Variants in RTEL1 observed in about 807,000 individuals in gnomAD.
RTEL1 encodes the protein regulator of telomere length.
A neutral mutation model predicts 162.2 loss-of-function variants in RTEL1; 86 were observed. The ratio of observed to expected loss-of-function variants is 0.53; its 90% CI spans 0.45 to 0.63. The LOEUF is 0.63. Ranked by LOEUF, RTEL1 falls within the 30% of genes least tolerant of loss-of-function variation. The pLI is 0.00. For synonymous variants in RTEL1, 958 were observed against 717.9 expected, an observed-to-expected ratio of 1.33 and a Z score of -5.35; for missense variants, 1,941 against 1,750.2, an observed-to-expected ratio of 1.11 and a Z score of -1.95.
At chr20:63,667,091 G>A (rs113290954) in intron 7 of RTEL1, among the ~76,000 whole-genome samples, 36 of 152,098 alleles carry the variant, frequency 2.4e-4, no homozygotes, top group African/African-American at 4.8e-4. Context: ...CGCCCACCTC[G>A]GCCTCCCAAA....
In RTEL1 at chr20:63,678,296, C is replaced by T. The variant is rs763882822; in HGVS notation, c.987C>T (p.Ile329=). Residue 329 remains isoleucine, a synonymous_variant, in exon 12 of 35, where the codon ATC becomes ATT. Coordinates refer to ENST00000360203, the MANE Select transcript of RTEL1 (RefSeq NM_001283009.2). ...TCCTGCTGCGCCTGGAGGGGGCCAT[C>T]GATGCTGTTGAGCTGCCTGGAGACG... ...KMILLRLEGA[I]DAVELPGDDS... 40 of 1,612,526 alleles carry T rather than the reference C, an allele frequency of 2.5e-5. No individual in the cohort carries two copies. The highest frequency in any genetic ancestry group is 1.6e-4 in the Middle Eastern group (1 of 6,072).
chr20:63,692,899 C>T lies in RTEL1; in HGVS notation c.2747C>T (p.Thr916Ile), dbSNP rs749234586. The change falls in exon 29 of 35, where the codon ACC becomes ATC. Residue 916 changes from threonine to isoleucine, a missense_variant. By Grantham distance (89) the Thr-to-Ile change is moderately conservative (BLOSUM62 -1). Transcript: ENST00000360203. The part of the protein sequence containing the change: ...ELSQANFATF[T>I]QALQDYKGSD... Reference sequence around the variant, plus strand: ...AGCCAAGCCAACTTTGCCACCTTCACCCAGGCCCTGCAGGACTACAAGGGT... The same window carrying T: ...AGCCAAGCCAACTTTGCCACCTTCATCCAGGCCCTGCAGGACTACAAGGGT... 2 of 1,612,542 alleles carry T rather than the reference C, an allele frequency of 1.2e-6. No homozygotes were observed. The highest frequency in any genetic ancestry group is 1.3e-5 in the African/African-American group (1 of 74,912).
At chr20:63,680,615 G>A in intron 13 of RTEL1, 49 bp from the exon 14 acceptor site, 2 of 1,600,428 alleles carry the variant, frequency 1.2e-6, no homozygotes, top group South Asian at 2.2e-5. Context: ...GCTGGGGTCG[G>A]GGCCTCCCCT....
intron 10 of RTEL1, among the ~76,000 whole-genome samples, chr20:63,675,517 TATAC>T (rs752480292): frequency 2.1e-5 from 3 of 144,906 alleles, no homozygotes; most frequent in Admixed American, 6.8e-5. Flanking sequence ...TATATATATA[TATAC>T]ATATATTTAA....
chr20:63,688,706 G>A (rs556849550), intron 21 of RTEL1, 101 bp downstream of exon 21: 38 of 1,090,872 alleles, frequency 3.5e-5, no homozygotes, highest in Non-Finnish European at 3.0e-5. Flanking sequence ...CATGGGCTCC[G>A]GCGGCTCCCG....
chr20:63,689,754 T>A lies in RTEL1; in HGVS notation c.2030T>A (p.Leu677His). 6.2e-7 allele frequency: 1 copy of A among 1,611,840 alleles called. No homozygotes were observed. The change falls in exon 24 of 35, where the codon CTC becomes CAC. Residue 677 changes from leucine (L) to histidine (H), a missense_variant. Transcript: ENST00000360203. ...CCGAGCCGCCTCGCCCCACAGTTCC[T>A]CTCTGGGCAGGAGTGGTACCGGCAG... ...KGQGGAGGQF[L>H]SGQEWYRQQA... is the part of the protein sequence containing the mutation.
chr20:63,694,358 C>T lies in RTEL1; in HGVS notation c.2993-14C>T, dbSNP rs764487111. The T allele has an allele frequency of 1.9e-6, 3 of 1,567,292 alleles. No homozygotes were observed. Among genetic ancestry groups the T allele is most frequent in the East Asian group, 2.4e-5 (1 of 42,456 alleles). On this transcript the variant is annotated splice_polypyrimidine_tract_variant and intron_variant, in intron 30 of 34. Coordinates refer to ENST00000360203, the MANE Select transcript of RTEL1 (RefSeq NM_001283009.2). ...GCTCTCGACCAGCTTTGTGGCTCTA[C>T]ATCTCTTCATCAGGAAGAACGGCGC... is the stretch of plus-strand genomic sequence containing the variant.
At position 63,693,365 on chromosome 20, in the gene RTEL1, C is replaced by A. The variant is rs935241489; in HGVS notation, c.2992+82C>A. Reference sequence around the variant, plus strand: ...AGAGTCCTGGGCTGCTTGGGGTGGGCATCCTCGGGCCCTGCTTGGCCCCGC... The same window carrying A: ...AGAGTCCTGGGCTGCTTGGGGTGGGAATCCTCGGGCCCTGCTTGGCCCCGC... On this transcript the variant is annotated intron_variant, in intron 30 of 34. Coordinates refer to ENST00000360203, the MANE Select transcript of RTEL1 (RefSeq NM_001283009.2). The A allele has an allele frequency of 2.6e-6, 4 of 1,545,174 alleles. No homozygotes were observed. In the African/African-American group the frequency reaches 4.1e-5, roughly 16 times the overall value.
chr20:63,694,312 A>AC, intron 30 of RTEL1, 60 bp from the exon 31 acceptor site: 22 of 466,346 alleles, frequency 4.7e-5, no homozygotes, highest in East Asian at 1.4e-4. Flanking sequence ...CTGCCCCCCC[A>AC]CCCCAGGGAA....
chr20:63,681,825 A>G, intron 14 of RTEL1: 1 of 985,356 alleles, frequency 1.0e-6, no homozygotes, highest in Non-Finnish European at 1.2e-6. Context: ...CTGGAAGGAC[A>G]GCACTGCCTT....
intron 6 of RTEL1, among the ~76,000 whole-genome samples, chr20:63,664,354 G>A (rs1368415539): frequency 6.6e-6 from 1 of 152,218 alleles, no homozygotes; most frequent in East Asian, 1.9e-4. Flanking sequence ...GCTGAGCATG[G>A]GCCTGGCCGG....
intron 27 of RTEL1, 37 bp downstream of exon 27, chr20:63,690,984 C>T: frequency 6.5e-7 from 1 of 1,527,308 alleles, no homozygotes; most frequent in South Asian, 1.2e-5. Flanking sequence ...CACAGACCCT[C>T]TGTCTCCTGA....
rs1413866305 is a variant in RTEL1 at position 63,693,198 on chromosome 20, C to T, written c.2907C>T (p.Ile969=). The T allele has an allele frequency of 6.2e-7, 1 of 1,612,166 alleles. No individual in the cohort carries two copies. The highest frequency in any genetic ancestry group is 1.1e-5 in the South Asian group (1 of 91,092). ...HHKQQFEEVC[I]QLTGRGCGYR... is the part of the protein sequence containing the mutation. ...AGCAGCAGTTTGAGGAGGTCTGTAT[C>T]CAGCTGACAGGACGAGGCTGTGGCT... The change falls in exon 30 of 35, where the codon ATC becomes ATT. Residue 969 remains isoleucine, a synonymous_variant. Coordinates refer to ENST00000360203, the MANE Select transcript of RTEL1 (RefSeq NM_001283009.2).
chr20:63,687,859 G>A, intron 17 of RTEL1, 78 bp from the exon 18 acceptor site: 1 of 1,572,210 alleles, frequency 6.4e-7, no homozygotes, highest in Non-Finnish European at 8.6e-7. Context: ...TGAGCCGGGT[G>A]CTGGGGGTCT....
chr20:63,658,100 C>T (rs923473122), upstream of RTEL1: 1 of 152,306 alleles, frequency 6.6e-6, no homozygotes, highest in Non-Finnish European at 1.5e-5. Flanking sequence ...GAACGCAGAC[C>T]CTGGTGGGGG....
chr20:63,662,759 G>T (rs1030249730), intron 5 of RTEL1, 70 bp from the exon 6 acceptor site: 87 of 1,596,740 alleles, frequency 5.4e-5, no homozygotes, highest in Non-Finnish European at 6.7e-5. Context: ...AGGACCTGGT[G>T]GGGGTGGGGA....
chr20:63,694,940 C>A lies in RTEL1; in HGVS notation c.3309C>A (p.Thr1103=). 6.2e-7 allele frequency: 1 copy of A among 1,612,574 alleles called. No individual in the cohort carries two copies. Among genetic ancestry groups the A allele is most frequent in the South Asian group, 1.1e-5 (1 of 91,080 alleles). ...TGCTGGCTGTGTTGGCCGCCCTGACCACTGCAAAGCCAGAGGACTTCCCCC... is the reference window on the plus strand; with the variant it reads ...TGCTGGCTGTGTTGGCCGCCCTGACAACTGCAAAGCCAGAGGACTTCCCCC... ...DKVLAVLAAL[T]TAKPEDFPLL... The change falls in exon 32 of 35, where the codon ACC becomes ACA. Residue 1103 remains threonine, a synonymous_variant. Coordinates refer to ENST00000360203, the MANE Select transcript of RTEL1 (RefSeq NM_001283009.2).
intron 6 of RTEL1, among the ~76,000 whole-genome samples, chr20:63,663,272 C>T (rs373541318): frequency 3.6e-4 from 55 of 152,324 alleles, no homozygotes; most frequent in African/African-American, 1.1e-3. Context: ...CTCCAGTGAC[C>T]GGCCCTCATA....
In RTEL1 at chr20:63,662,568, T is replaced by G; in HGVS notation, c.418T>G (p.Ser140Ala). 6.2e-7 allele frequency: 1 copy of G among 1,613,966 alleles called. No homozygotes were observed. The highest frequency in any genetic ancestry group is 8.5e-7 in the Non-Finnish European group (1 of 1,180,002). Residue 140 changes from serine to alanine, a missense_variant, in exon 5 of 35, where the codon TCC becomes GCC. By Grantham distance (99) the Ser-to-Ala change is moderately conservative. Coordinates refer to ENST00000360203, the MANE Select transcript of RTEL1 (RefSeq NM_001283009.2). Reference protein sequence around the residue: ...SYRPKVCVLGSREQLCIHPEV... With the variant: ...SYRPKVCVLGAREQLCIHPEV... ...CAGGCCTAAGGTGTGTGTGCTGGGC[T>G]CCCGGGAGCAGCTGTGCATCCATCC...
Sources: gnomAD v4.1 joint callset for allele counts (sites outside exome capture counted in the v4.1 genomes callset) on GRCh38, gnomAD v4.1.1 for gene constraint, MANE v1.5 for transcripts, NCBI Gene and HGNC (gene_info 2026-07-23, HGNC 2026-07-21) for gene names.